The following HECA variants were observed in gnomAD, a reference collection of about 807,000 sequenced individuals.
HECA encodes HECA ribonucleoprotein granule regulator, also known as headcase protein homolog.
HECA carries 13 observed loss-of-function variants against 37.6 expected under a neutral mutation model. The observed-to-expected ratio is 0.35, with a 90% CI of 0.23 to 0.55. The LOEUF (loss-of-function observed/expected upper bound fraction) is 0.55, where lower values mean the gene tolerates loss of function less well. HECA is among the 20% of genes least tolerant of loss of function. The pLI is 0.90. For synonymous variants in HECA, 307 were observed against 291.5 expected, an observed-to-expected ratio of 1.05 and a Z score of -0.54; for missense variants, 527 against 701.9, an observed-to-expected ratio of 0.75 and a Z score of 2.82.
intron 1 of HECA, among the ~76,000 whole-genome samples, chr6:139,141,223 A>G (rs1774509149): frequency 6.6e-6 from 1 of 152,194 alleles, no homozygotes. Context: ...TCCACCACTT[A>G]AGAGATCAAC....
chr6:139,177,349 A>G lies in HECA; in HGVS notation c.*244A>G. On this transcript the variant is annotated 3_prime_UTR_variant, in exon 4 of 4. Coordinates refer to ENST00000367658, the MANE Select transcript of HECA (RefSeq NM_016217.3). The surrounding 1 kb of genome is among the most constrained non-coding windows in gnomAD (Gnocchi z 4.9). ...ATTTGGGTTGGGGTTCACTCTTACC[A>G]AGAATCTTTGATGCAGCTTTAAGAT... is the stretch of plus-strand genomic sequence containing the variant. 1 of 311,220 alleles carries G rather than the reference A, an allele frequency of 3.2e-6. No individual in the cohort carries two copies. The highest frequency in any genetic ancestry group is 5.9e-6 in the Non-Finnish European group (1 of 169,572). The allele number at this position is 311,220 out of a possible 1,614,324, so 19.3% of individuals were successfully genotyped here. A position where few individuals can be genotyped will look rare whatever the true frequency, so the allele number is the denominator to read the frequency against.
chr6:139,153,741 C>T (rs533662246), intron 1 of HECA, among the ~76,000 whole-genome samples: 1 of 152,306 alleles, frequency 6.6e-6, no homozygotes, highest in Admixed American at 6.5e-5. Flanking sequence ...AGAAATTTTA[C>T]ATTCTTTTCT....
At chr6:139,168,857 A>G (rs1443523411) in intron 2 of HECA, among the ~76,000 whole-genome samples, 1 of 152,302 alleles carries the variant, frequency 6.6e-6, no homozygotes, top group South Asian at 2.1e-4. Flanking sequence ...CTTCTAAGTT[A>G]TACATATTTT....
chr6:139,136,668 A>G (rs1421034877), intron 1 of HECA, among the ~76,000 whole-genome samples: 3 of 150,302 alleles, frequency 2.0e-5, no homozygotes, highest in Non-Finnish European at 1.5e-5. Flanking sequence ...CGGAGTTTGC[A>G]ATTTCGCCCA....
chr6:139,156,179 C>A lies in HECA; in HGVS notation c.272-10105C>A, dbSNP rs1056997261. ...TTATTATTTTTTACATTCACTGTTA[C>A]AATTTAAAATCTTTACTATAGCTTT... On this transcript the variant is annotated intron_variant, in intron 1 of 3. Transcript: ENST00000367658. Among the ~76,000 whole-genome samples the A allele has an allele frequency of 1.1e-4, 16 of 151,794 alleles. 1 individual carries two copies. The highest frequency in any genetic ancestry group is 3.6e-4 in the African/African-American group (15 of 41,330).
chr6:139,171,835 TG>T (rs1231330255), intron 2 of HECA, among the ~76,000 whole-genome samples: 83 of 151,230 alleles, frequency 5.5e-4, no homozygotes, highest in African/African-American at 1.7e-3. Context: ...TTTGTTGTTG[TG>T]TTTTTTTTTT....
intron 1 of HECA, among the ~76,000 whole-genome samples, chr6:139,163,258 C>T (rs897847705): frequency 8.5e-5 from 13 of 152,100 alleles, no homozygotes; most frequent in African/African-American, 3.1e-4. Context: ...CAGGATGGCT[C>T]CCACAACAGA....
intron 1 of HECA, among the ~76,000 whole-genome samples, chr6:139,141,890 C>T (rs1774517774): frequency 6.7e-6 from 1 of 149,378 alleles, no homozygotes; most frequent in African/African-American, 2.5e-5. Flanking sequence ...GTAGCTGGGA[C>T]TACAGGCACA....
intron 1 of HECA, among the ~76,000 whole-genome samples, chr6:139,151,995 A>G (rs1218670966): frequency 6.6e-6 from 1 of 152,216 alleles, no homozygotes; most frequent in Non-Finnish European, 1.5e-5. Context: ...CAGAAAGAGT[A>G]TGTGGAATCT....
chr6:139,169,259 T>G (rs1774937088), intron 2 of HECA, among the ~76,000 whole-genome samples: 6 of 152,072 alleles, frequency 3.9e-5, no homozygotes, highest in Admixed American at 3.3e-4. Flanking sequence ...GAGAACTCCT[T>G]TATTTTATAT....
rs1562248418 is a variant in HECA at position 139,166,859 on chromosome 6, G to A, written c.847G>A (p.Ala283Thr). ...PPTGYSILSP[A>T]HFSGPRSSRY... ...CACGGGCTACTCCATCCTCTCTCCTGCCCACTTCAGCGGCCCCCGCTCCTC... is the reference window on the plus strand; with the variant it reads ...CACGGGCTACTCCATCCTCTCTCCTACCCACTTCAGCGGCCCCCGCTCCTC... The change falls in exon 2 of 4, where the codon GCC becomes ACC. Residue 283 changes from alanine to threonine, a missense_variant. Ala to Thr is a moderately conservative substitution (Grantham distance 58). This residue lies in a region of HECA where 228 missense variants were observed against 259.8 expected (regional missense o/e 0.88). Transcript: ENST00000367658. 6.2e-7 allele frequency: 1 copy of A among 1,613,912 alleles called. No individual in the cohort carries two copies. The highest frequency in any genetic ancestry group is 2.2e-5 in the East Asian group (1 of 44,858).
At chr6:139,171,979 G>A (rs1242528621) in intron 2 of HECA, among the ~76,000 whole-genome samples, 2 of 151,982 alleles carry the variant, frequency 1.3e-5, no homozygotes, top group African/African-American at 4.8e-5. Context: ...TACAGGCGCC[G>A]CCACCACGCC....
chr6:139,169,955 C>T (rs1175059251), intron 2 of HECA: 2 of 152,230 alleles, frequency 1.3e-5, no homozygotes, highest in African/African-American at 4.8e-5. Flanking sequence ...GAGCTCCCTA[C>T]AAACTCCCCG....
At chr6:139,148,373 G>T (rs554278987) in intron 1 of HECA, among the ~76,000 whole-genome samples, 1 of 152,212 alleles carries the variant, frequency 6.6e-6, no homozygotes, top group Admixed American at 6.5e-5. Context: ...CATAAAGTTA[G>T]CAACTTTGAG....
chr6:139,156,913 G>T (rs1774724951), intron 1 of HECA, among the ~76,000 whole-genome samples: 1 of 152,210 alleles, frequency 6.6e-6, no homozygotes, highest in Non-Finnish European at 1.5e-5. Context: ...GAGGGGTCCT[G>T]ATCCAGACTC....
chr6:139,180,204 G>GT lies in HECA; in HGVS notation c.*3100dup, dbSNP rs1562252450. The GT allele has an allele frequency of 2.6e-5, 4 of 152,246 alleles. No individual in the cohort carries two copies. Among genetic ancestry groups the GT allele is most frequent in the East Asian group, 1.9e-4 (1 of 5,166 alleles). The allele number at this position is 152,246 out of a possible 1,614,324, so 9.4% of individuals were successfully genotyped here. A position where few individuals can be genotyped will look rare whatever the true frequency, so the allele number is the denominator to read the frequency against. ...AAGAAGTTCATTTTCTGAGTAAAAG[G>GT]TATTTTCATATATGTTGGGGGAAAA... On this transcript the variant is annotated 3_prime_UTR_variant, in exon 4 of 4. Coordinates refer to ENST00000367658, the MANE Select transcript of HECA (RefSeq NM_016217.3).
At position 139,174,413 on chromosome 6, in the gene HECA, C is replaced by T. The variant is rs777952667; in HGVS notation, c.1341C>T (p.Cys447=). 14 of 1,613,514 alleles carry T rather than the reference C, an allele frequency of 8.7e-6. No individual in the cohort carries two copies. In the African/African-American group the frequency reaches 9.4e-5, roughly 11 times the overall value. ...QGRLMHLYAV[C]VDCLEGVHKI... is the part of the protein sequence containing the mutation. ...GACTCATGCATCTGTATGCCGTGTG[C>T]GTGGACTGCCTGGAAGGGGTTCACA... is the stretch of plus-strand genomic sequence containing the variant. Residue 447 remains cysteine, a synonymous_variant, in exon 3 of 4, where the codon TGC becomes TGT. Transcript: ENST00000367658.
chr6:139,150,086 C>G (rs563849371), intron 1 of HECA, among the ~76,000 whole-genome samples: 4 of 152,198 alleles, frequency 2.6e-5, no homozygotes, highest in Non-Finnish European at 5.9e-5. Context: ...TTACCTGCCT[C>G]TAGGGCCATA....
At chr6:139,145,884 C>T (rs1774578840) in intron 1 of HECA, among the ~76,000 whole-genome samples, 1 of 152,190 alleles carries the variant, frequency 6.6e-6, no homozygotes, top group Admixed American at 6.5e-5. Flanking sequence ...AGTCGCTCTT[C>T]CTTGGTTGCT....
Sources: allele counts gnomAD v4.1 joint callset (sites outside exome capture counted in the v4.1 genomes callset), GRCh38; gene constraint gnomAD v4.1.1; regional missense constraint gnomAD v4.1.1; non-coding constraint Gnocchi (gnomAD v3.1); transcripts MANE v1.5; gene names NCBI Gene and HGNC (gene_info 2026-07-23, HGNC 2026-07-21).